The following CALN1 variants were observed in gnomAD, a reference collection of about 807,000 sequenced individuals.
The protein encoded by CALN1 is calcium-binding protein 8.
Under a neutral mutation model 30.6 loss-of-function variants are expected in CALN1, and 17 were observed. That is an observed-to-expected ratio of 0.56 (90% CI 0.38 to 0.83). CALN1 has a LOEUF of 0.83. Ranked by LOEUF, CALN1 falls within the 40% of genes least tolerant of loss-of-function variation. The probability of loss-of-function intolerance (pLI) is 0.00; values close to 1 mark genes in which losing one functional copy is unlikely to be tolerated. For synonymous variants in CALN1, 156 were observed against 131.4 expected (o/e 1.19, Z -1.28); for missense variants, 291 against 354.9 (o/e 0.82, Z 1.45).
In CALN1 at chr7:72,045,722, A is replaced by G. The variant is rs1291865929; in HGVS notation, c.389-21953T>C. Among the ~76,000 whole-genome samples the G allele has an allele frequency of 5.3e-5, 8 of 152,122 alleles. No individual in the cohort carries two copies. The East Asian group carries it at 1.6e-3, about 29-fold the overall frequency. On this transcript the variant is annotated intron_variant, in intron 4 of 6. Coordinates refer to ENST00000395275, the MANE Select transcript of CALN1 (RefSeq NM_031468.4). ...TTTTTAATTTTTTCGTAGAGAGACC[A>G]GGTGTGGTGGCTCACACCTGTAATC... is the stretch of plus-strand genomic sequence containing the variant.
chr7:72,084,433 A>G (rs1289128840), intron 4 of CALN1, among the ~76,000 whole-genome samples: 2 of 149,796 alleles, frequency 1.3e-5, no homozygotes, highest in Non-Finnish European at 3.0e-5. Context: ...CTTGGCTCAC[A>G]CTGCAACCTG....
At chr7:72,034,503 C>T (rs1490225984) in intron 4 of CALN1, among the ~76,000 whole-genome samples, 3 of 151,028 alleles carry the variant, frequency 2.0e-5, no homozygotes, top group African/African-American at 4.9e-5. Context: ...TGAAAGTCTC[C>T]AGGATGTGCC....
At chr7:72,460,562 G>A in the CALN1 span, among the ~76,000 whole-genome samples, 1 of 152,112 alleles carries the variant, frequency 6.6e-6, no homozygotes. Flanking sequence ...AACCCTGGAG[G>A]TGGAGGTTGC....
At chr7:72,451,730 G>A (rs1311390920), upstream of CALN1, among the ~76,000 whole-genome samples, 1 of 152,114 alleles carries the variant, frequency 6.6e-6, no homozygotes. Context: ...CAAATGAGAA[G>A]CTCCACTTTG....
chr7:72,109,132 G>A (rs924881636), intron 3 of CALN1, among the ~76,000 whole-genome samples: 7 of 152,182 alleles, frequency 4.6e-5, no homozygotes, highest in African/African-American at 7.2e-5. Flanking sequence ...AAGGGATGAT[G>A]AGTCTGAATG....
At chr7:71,791,903 G>C (rs966655403) in intron 6 of CALN1, among the ~76,000 whole-genome samples, 1 of 152,056 alleles carries the variant, frequency 6.6e-6, no homozygotes, top group East Asian at 1.9e-4. Flanking sequence ...CCCAGCTACT[G>C]GGGAGGCTGA....
chr7:72,115,484 C>CTTTTT lies in CALN1; in HGVS notation c.245-9195_245-9191dup, dbSNP rs71069026. Among the ~76,000 whole-genome samples, 58 of 80,592 alleles carry CTTTTT rather than the reference C, an allele frequency of 7.2e-4. 2 individuals are homozygous for CTTTTT. The highest frequency in any genetic ancestry group is 2.6e-3 in the African/African-American group (47 of 18,100). 52.9% of individuals were successfully genotyped at this position (80,592 alleles called of 152,430 possible). On this transcript the variant is annotated intron_variant, in intron 3 of 6. Transcript: ENST00000395275. ...GATAAATACATTACACATATACATT[C>CTTTTT]TTTTTTTTTTTTTTTTTTTTTTTTT...
chr7:71,877,644 A>C (rs1385945761), intron 5 of CALN1, among the ~76,000 whole-genome samples: 1 of 147,666 alleles, frequency 6.8e-6, no homozygotes, highest in Non-Finnish European at 1.5e-5. Context: ...TTATAAAAAA[A>C]AAACGATGGA....
At chr7:72,490,469 C>A in the CALN1 span, among the ~76,000 whole-genome samples, 28 of 152,242 alleles carry the variant, frequency 1.8e-4, no homozygotes, top group Middle Eastern at 6.8e-3. Context: ...CTTCTCTGAC[C>A]TCAATTTCCT....
intron 6 of CALN1, among the ~76,000 whole-genome samples, chr7:71,807,277 A>G (rs1040684555): frequency 6.6e-6 from 1 of 152,210 alleles, no homozygotes; most frequent in Non-Finnish European, 1.5e-5. Context: ...ACAGGATCTC[A>G]GACAAACTCC....
At chr7:71,846,544 GTATAGATAGA>G (rs1202120894) in intron 5 of CALN1, among the ~76,000 whole-genome samples, 1 of 151,968 alleles carries the variant, frequency 6.6e-6, no homozygotes, top group Admixed American at 6.6e-5. Flanking sequence ...GCGTGTGTGT[GTATAGATAGA>G]TATAGATATG....
At chr7:71,919,046 A>G (rs1387883149) in intron 5 of CALN1, among the ~76,000 whole-genome samples, 1 of 152,144 alleles carries the variant, frequency 6.6e-6, no homozygotes, top group Non-Finnish European at 1.5e-5. Context: ...TCTGCTTTTG[A>G]ATGAAATGTG....
chr7:72,259,218 T>C (rs1450795086), intron 3 of CALN1, among the ~76,000 whole-genome samples: 2 of 152,072 alleles, frequency 1.3e-5, no homozygotes, highest in African/African-American at 2.4e-5. Context: ...TTAAGACTAC[T>C]GGGCCTTGGG....
At chr7:71,998,054 C>A (rs183242769) in intron 5 of CALN1, among the ~76,000 whole-genome samples, 8 of 152,134 alleles carry the variant, frequency 5.3e-5, no homozygotes, top group African/African-American at 1.9e-4. Flanking sequence ...CTCCTGACCT[C>A]CCTAGGTGCC....
intron 5 of CALN1, among the ~76,000 whole-genome samples, chr7:71,864,633 C>A (rs762033108): frequency 6.6e-6 from 1 of 152,114 alleles, no homozygotes; most frequent in Non-Finnish European, 1.5e-5. Context: ...TCCTGACCCA[C>A]GGAGACTGAG....
At chr7:71,892,259 T>C (rs12670326) in intron 5 of CALN1, among the ~76,000 whole-genome samples, 17,668 of 152,220 alleles carry the variant, frequency 0.12, 1,495 homozygotes, top group East Asian at 0.43. Flanking sequence ...AAATGATTAT[T>C]GGCCATCTAT....
At chr7:72,016,494 T>G (rs1800387075) in intron 5 of CALN1, among the ~76,000 whole-genome samples, 1 of 151,842 alleles carries the variant, frequency 6.6e-6, no homozygotes, top group South Asian at 2.1e-4. Context: ...AAGAGTGCAG[T>G]GGCATGATTA....
upstream of CALN1, among the ~76,000 whole-genome samples, chr7:72,452,086 G>A (rs944625787): frequency 6.6e-6 from 1 of 152,126 alleles, no homozygotes; most frequent in African/African-American, 2.4e-5. Flanking sequence ...AAAAGACTAT[G>A]GATAATTTAC....
intron 2 of CALN1, among the ~76,000 whole-genome samples, chr7:72,400,357 G>C (rs1806256534): frequency 6.6e-6 from 1 of 152,204 alleles, no homozygotes; most frequent in African/African-American, 2.4e-5. Context: ...CTGTCAAACA[G>C]ATAGCTATTT....
Sources: allele counts gnomAD v4.1 joint callset (sites outside exome capture counted in the v4.1 genomes callset), GRCh38; gene constraint gnomAD v4.1.1; transcripts MANE v1.5; gene names NCBI Gene and HGNC (gene_info 2026-07-23, HGNC 2026-07-21).